Variants in ZZEF1 observed in about 807,000 individuals in gnomAD.
The protein encoded by ZZEF1 is zinc finger ZZ-type and EF-hand domain containing 1.
ZZEF1 carries 157 observed loss-of-function variants against 342.8 expected under a neutral mutation model. The observed-to-expected ratio is 0.46, with a 90% CI of 0.40 to 0.52. ZZEF1 has a LOEUF of 0.52. Ranked by LOEUF, ZZEF1 falls within the 20% of genes least tolerant of loss-of-function variation. The pLI is 0.00. For missense variants in ZZEF1, 3,480 were observed against 3,725.6 expected (o/e 0.93, Z 1.72); for synonymous variants, 1,505 against 1,429.1 (o/e 1.05, Z -1.20).
intron 3 of ZZEF1, among the ~76,000 whole-genome samples, chr17:4,115,630 A>C (rs917316246): frequency 1.3e-5 from 2 of 152,208 alleles, no homozygotes; most frequent in Non-Finnish European, 2.9e-5. Context: ...ACCACTGCAC[A>C]CCAGCCTGGG....
chr17:4,101,663 GTCAC>G (rs1427438457), intron 9 of ZZEF1, among the ~76,000 whole-genome samples: 1 of 152,080 alleles, frequency 6.6e-6, no homozygotes, highest in Non-Finnish European at 1.5e-5. Flanking sequence ...GTCTCGCTCT[GTCAC>G]CCAGGCTGGA....
intron 29 of ZZEF1, 136 bp downstream of exon 29, chr17:4,064,225 T>C: frequency 1.3e-6 from 1 of 745,758 alleles, no homozygotes; most frequent in South Asian, 2.9e-5. Context: ...AAAACTTTTC[T>C]TGAATATTCT....
chr17:4,109,552 A>G, intron 6 of ZZEF1, 101 bp downstream of exon 6: 3 of 1,304,038 alleles, frequency 2.3e-6, no homozygotes, highest in Non-Finnish European at 2.2e-6. Flanking sequence ...TGACTGAGCC[A>G]CAACGATCAA....
chr17:4,132,719 C>T (rs577161640), intron 1 of ZZEF1, among the ~76,000 whole-genome samples: 7 of 101,374 alleles, frequency 6.9e-5, no homozygotes, highest in African/African-American at 1.9e-4. Flanking sequence ...GTAATCCCAG[C>T]ACTTTGGGAG....
At position 4,040,334 on chromosome 17, in the gene ZZEF1, C is replaced by A. The variant is rs80013706; in HGVS notation, c.6306+2095G>T. 8.5e-3 allele frequency among the ~76,000 whole-genome samples: 1,298 copies of A among 152,310 alleles called. 16 individuals carry two copies. The highest frequency in any genetic ancestry group is 0.03 in the African/African-American group (1,247 of 41,572). ...CATGCAGCCAACACACTGTAACTAT[C>A]AATCATTAATTACCATATGGTCTAA... On this transcript the variant is annotated intron_variant, in intron 39 of 54. Coordinates refer to ENST00000381638, the MANE Select transcript of ZZEF1 (RefSeq NM_015113.4).
chr17:4,030,800 C>T (rs918788959), intron 42 of ZZEF1, among the ~76,000 whole-genome samples: 1 of 152,114 alleles, frequency 6.6e-6, no homozygotes, highest in Non-Finnish European at 1.5e-5. Flanking sequence ...AAAACTTACA[C>T]AAAAAGACAA....
intron 37 of ZZEF1, among the ~76,000 whole-genome samples, chr17:4,047,637 T>C (rs371384100): frequency 6.8e-6 from 1 of 147,184 alleles, no homozygotes; most frequent in African/African-American, 2.5e-5. Flanking sequence ...AGTGAGACCC[T>C]GTCTCAAAAA....
chr17:4,142,468 A>C (rs1183971518), intron 1 of ZZEF1, 74 bp downstream of exon 1: 1 of 1,499,568 alleles, frequency 6.7e-7, no homozygotes. Flanking sequence ...TCCAAAGCAA[A>C]TGCCCACCTC....
In ZZEF1 at chr17:4,008,926, A is replaced by G. The variant is rs1362955495; in HGVS notation, c.8762T>C (p.Leu2921Pro). 1.3e-6 allele frequency: 2 copies of G among 1,544,370 alleles called. No homozygotes were observed. Among genetic ancestry groups the G allele is most frequent in the East Asian group, 4.9e-5 (2 of 41,052 alleles). ...AAGGTGGTCGTCCGTGGTTAGGGCC[A>G]GCAGGTAATCCTGCAGCACGCCAAG... Reference protein sequence around the residue: ...QELGVLQDYLLALTTDDHLLR... With the variant: ...QELGVLQDYLPALTTDDHLLR... Residue 2921 changes from leucine to proline, a missense_variant, in exon 54 of 55, where the codon CTG (leucine) becomes CCG (proline). Transcript: ENST00000381638. This position sits in a 1 kb window ranked among gnomAD's most constrained non-coding sequence, Gnocchi z 4.2.
In ZZEF1 at chr17:4,059,260, A is replaced by G; in HGVS notation, c.4914T>C (p.Ala1638=). The change falls in exon 31 of 55, where the codon GCT becomes GCC. Residue 1638 remains alanine, a synonymous_variant. Coordinates refer to ENST00000381638, the MANE Select transcript of ZZEF1 (RefSeq NM_015113.4). The part of the protein sequence containing the change: ...NYFGHLEGCG[A]DLHKEIRDTY... ...TGTCTCGAATTTCTTTGTGTAGATC[A>G]GCACCACAGCCTTCCAGGTGTCCAA... 1.3e-6 allele frequency: 2 copies of G among 1,530,042 alleles called. No homozygotes were observed. The highest frequency in any genetic ancestry group is 1.8e-6 in the Non-Finnish European group (2 of 1,139,100). The allele number at this position is 1,530,042 out of a possible 1,614,324, so 94.8% of individuals were successfully genotyped here.
At chr17:4,120,055 T>C (rs2058458367) in intron 2 of ZZEF1, among the ~76,000 whole-genome samples, 1 of 152,192 alleles carries the variant, frequency 6.6e-6, no homozygotes, top group Non-Finnish European at 1.5e-5. Context: ...GAATCCATCC[T>C]TAAAATTCTG....
intron 30 of ZZEF1, among the ~76,000 whole-genome samples, chr17:4,062,216 T>C (rs1326847320): frequency 1.3e-5 from 2 of 152,110 alleles, no homozygotes; most frequent in East Asian, 1.9e-4. Context: ...CTGCCTTCCC[T>C]GACCATCCAA....
intron 39 of ZZEF1, among the ~76,000 whole-genome samples, chr17:4,039,467 CTCAAACAA>C (rs932713257): frequency 4.1e-4 from 56 of 138,186 alleles, no homozygotes; most frequent in African/African-American, 1.7e-3. Context: ...GAGACACCAT[CTCAAACAA>C]ACAAACAAAC....
chr17:4,027,791 T>TG (rs1227548695), intron 42 of ZZEF1, among the ~76,000 whole-genome samples: 1 of 151,288 alleles, frequency 6.6e-6, no homozygotes, highest in Non-Finnish European at 1.5e-5. Flanking sequence ...TTAGTAGAGA[T>TG]GGGGTCTAGC....
intron 18 of ZZEF1, among the ~76,000 whole-genome samples, chr17:4,078,687 T>C (rs8081282): frequency 0.15 from 22,607 of 152,206 alleles, 1,816 homozygotes; most frequent in African/African-American, 0.2. Flanking sequence ...GAATGTCTAG[T>C]CCTTAAAAGA....
At position 4,081,107 on chromosome 17, in the gene ZZEF1, G is replaced by A. The variant is rs570735461; in HGVS notation, c.2829+269C>T. Reference sequence around the variant, plus strand: ...TTAAAAATTAGCTGGGCGTGGTGGCGTGTGCCTGTGTCCCAGCTACTTGGG... The same window carrying A: ...TTAAAAATTAGCTGGGCGTGGTGGCATGTGCCTGTGTCCCAGCTACTTGGG... On this transcript the variant is annotated intron_variant, in intron 18 of 54. Transcript: ENST00000381638. 8.5e-5 allele frequency among the ~76,000 whole-genome samples: 13 copies of A among 152,170 alleles called. No homozygotes were observed. In the South Asian group the frequency reaches 2.1e-3, roughly 24 times the overall value.
chr17:4,103,346 C>T (rs1357616828), intron 8 of ZZEF1, among the ~76,000 whole-genome samples: 1 of 151,548 alleles, frequency 6.6e-6, no homozygotes, highest in Non-Finnish European at 1.5e-5. Flanking sequence ...AGTTTGAGAC[C>T]AGCCTGGTCA....
chr17:4,018,076 G>T (rs2056161940), intron 46 of ZZEF1, 105 bp from the exon 47 acceptor site: 7 of 1,429,452 alleles, frequency 4.9e-6, no homozygotes, highest in Non-Finnish European at 6.7e-6. Context: ...TCTTCTGTTA[G>T]TATCAATGAC....
chr17:4,136,691 G>C (rs1465343228), intron 1 of ZZEF1, among the ~76,000 whole-genome samples: 1 of 152,076 alleles, frequency 6.6e-6, no homozygotes, highest in Non-Finnish European at 1.5e-5. Context: ...GTCCCTTTTC[G>C]GGGGCAGAGA....
Sources: gnomAD v4.1 joint callset for allele counts (sites outside exome capture counted in the v4.1 genomes callset) on GRCh38, gnomAD v4.1.1 for gene constraint, Gnocchi (gnomAD v3.1) non-coding constraint, MANE v1.5 for transcripts, NCBI Gene and HGNC (gene_info 2026-07-23, HGNC 2026-07-21) for gene names.